The following FCHSD2 variants were observed in gnomAD, a reference collection of about 807,000 sequenced individuals.
FCHSD2 encodes the protein FCH and double SH3 domains 2.
FCHSD2 carries 38 observed loss-of-function variants against 108.1 expected under a neutral mutation model. That is an observed-to-expected ratio of 0.35 (90% confidence interval 0.27 to 0.46). FCHSD2 has a LOEUF of 0.46. Among genes scored for constraint, FCHSD2 ranks in the 20% least tolerant of loss-of-function variants. FCHSD2 has a pLI of 1.00. For missense variants in FCHSD2, 751 were observed against 897.8 expected, an observed-to-expected ratio of 0.84 and a Z score of 2.09; for synonymous variants, 279 against 314.7, an observed-to-expected ratio of 0.89 and a Z score of 1.20.
At chr11:72,948,246 A>T (rs1019495444) in intron 8 of FCHSD2, among the ~76,000 whole-genome samples, 2 of 152,102 alleles carry the variant, frequency 1.3e-5, no homozygotes, top group Non-Finnish European at 2.9e-5. Flanking sequence ...GGACTCAAGC[A>T]ATCCACCCAC....
intron 14 of FCHSD2, 147 bp from the exon 15 acceptor site, chr11:72,843,679 CATA>C: frequency 1.6e-6 from 1 of 618,588 alleles, no homozygotes. Flanking sequence ...GTAAAACTTT[CATA>C]ATGAGGTGAA....
chr11:73,061,916 C>G (rs1462404911), intron 3 of FCHSD2, among the ~76,000 whole-genome samples: 1 of 152,182 alleles, frequency 6.6e-6, no homozygotes, highest in Non-Finnish European at 1.5e-5. Flanking sequence ...CCTGGTGGCT[C>G]TGAAGAGAGT....
At chr11:72,892,594 G>A (rs1855337837) in intron 10 of FCHSD2, among the ~76,000 whole-genome samples, 1 of 151,720 alleles carries the variant, frequency 6.6e-6, no homozygotes. Context: ...ATGTTTTTGT[G>A]TTTTTGTTTG....
intron 3 of FCHSD2, among the ~76,000 whole-genome samples, chr11:73,033,785 T>C (rs11235639): frequency 0.21 from 32,341 of 152,138 alleles, 3,724 homozygotes; most frequent in East Asian, 0.48. Flanking sequence ...GTTATGAGTA[T>C]TCTTGGATAA....
At chr11:73,054,639 A>T (rs1366353475) in intron 3 of FCHSD2, among the ~76,000 whole-genome samples, 2 of 146,998 alleles carry the variant, frequency 1.4e-5, no homozygotes, top group African/African-American at 5.0e-5. Flanking sequence ...GGAAACAAAC[A>T]GAGGGGGTGG....
chr11:73,064,306 T>C (rs971311199), intron 3 of FCHSD2, among the ~76,000 whole-genome samples: 9 of 152,326 alleles, frequency 5.9e-5, no homozygotes, highest in Admixed American at 3.9e-4. Flanking sequence ...GGGAAATTTA[T>C]AGCACTAAAT....
At chr11:73,139,741 C>T (rs766692165) in intron 2 of FCHSD2, among the ~76,000 whole-genome samples, 1 of 152,112 alleles carries the variant, frequency 6.6e-6, no homozygotes, top group Non-Finnish European at 1.5e-5. Context: ...GTTACAATTC[C>T]GTGGAAAGAT....
At chr11:72,925,308 T>C (rs1856055014) in intron 8 of FCHSD2, among the ~76,000 whole-genome samples, 2 of 152,220 alleles carry the variant, frequency 1.3e-5, no homozygotes, top group Non-Finnish European at 2.9e-5. Flanking sequence ...ACTTTTAATT[T>C]TGATAGAAGT....
intron 8 of FCHSD2, among the ~76,000 whole-genome samples, chr11:72,924,679 CTTTTTTT>C (rs200855476): frequency 7.2e-6 from 1 of 138,462 alleles, no homozygotes; most frequent in African/African-American, 2.7e-5. Context: ...TTCCATTAAA[CTTTTTTT>C]TTTTTTTTTT....
At chr11:72,866,049 A>G (rs945992959) in intron 13 of FCHSD2, among the ~76,000 whole-genome samples, 1 of 152,146 alleles carries the variant, frequency 6.6e-6, no homozygotes, top group African/African-American at 2.4e-5. Context: ...TGGCCCCTCA[A>G]TTGATTTGGT....
intron 9 of FCHSD2, among the ~76,000 whole-genome samples, chr11:72,911,263 G>T (rs547793044): frequency 2.2e-4 from 34 of 152,284 alleles, no homozygotes; most frequent in African/African-American, 7.5e-4. Flanking sequence ...TCCAATGTAT[G>T]TTCTTGACAA....
intron 2 of FCHSD2, among the ~76,000 whole-genome samples, chr11:73,091,114 A>T (rs1859946184): frequency 6.6e-6 from 1 of 152,226 alleles, no homozygotes; most frequent in South Asian, 2.1e-4. Flanking sequence ...TTTATGGCTG[A>T]ATAATGTTCC....
At chr11:73,021,687 T>C (rs1858109031) in intron 3 of FCHSD2, among the ~76,000 whole-genome samples, 1 of 151,954 alleles carries the variant, frequency 6.6e-6, no homozygotes, top group African/African-American at 2.4e-5. Flanking sequence ...AACAAACCTG[T>C]ACATGTTACC....
intron 2 of FCHSD2, among the ~76,000 whole-genome samples, chr11:73,089,323 T>C (rs1859898369): frequency 6.6e-6 from 1 of 152,200 alleles, no homozygotes; most frequent in African/African-American, 2.4e-5. Flanking sequence ...AGAACTCTCA[T>C]AGCGTTAGTG....
intron 14 of FCHSD2, among the ~76,000 whole-genome samples, chr11:72,846,821 G>A (rs778562219): frequency 2.6e-5 from 4 of 151,930 alleles, no homozygotes; most frequent in South Asian, 2.1e-4. Flanking sequence ...GAGCTCTTAC[G>A]GTACATACAA....
At chr11:72,921,717 G>T in intron 9 of FCHSD2, 111 bp downstream of exon 9, 1 of 802,560 alleles carries the variant, frequency 1.2e-6, no homozygotes, top group Non-Finnish European at 2.0e-6. Flanking sequence ...CAGGAAATTT[G>T]TTCGTTAATG....
At chr11:72,904,339 T>C (rs1393259824) in intron 9 of FCHSD2, among the ~76,000 whole-genome samples, 1 of 152,244 alleles carries the variant, frequency 6.6e-6, no homozygotes, top group Non-Finnish European at 1.5e-5. Flanking sequence ...TCCTCAAAAC[T>C]ATTAACCTTT....
At chr11:72,999,315 CTTT>C (rs777275615) in intron 5 of FCHSD2, among the ~76,000 whole-genome samples, 3 of 103,780 alleles carry the variant, frequency 2.9e-5, no homozygotes, top group African/African-American at 7.2e-5. Context: ...ACCAAAGATT[CTTT>C]TTTTTTTTTT....
rs574104573 is a variant in FCHSD2 at position 72,853,033 on chromosome 11, A to G, written c.1309-3144T>C. Among the ~76,000 whole-genome samples the G allele has an allele frequency of 3.3e-5, 5 of 152,270 alleles. No homozygotes were observed. The East Asian group carries it at 9.6e-4, about 29-fold the overall frequency. On this transcript the variant is annotated intron_variant, in intron 13 of 19. Coordinates refer to ENST00000409418, the MANE Select transcript of FCHSD2 (RefSeq NM_014824.3). Reference sequence around the variant, plus strand: ...AGGGAGAGGATTAGAAAAAATAACTATTGGGTACTAGGCTTAGTACCTGGG... The same window carrying G: ...AGGGAGAGGATTAGAAAAAATAACTGTTGGGTACTAGGCTTAGTACCTGGG...
Sources: allele counts gnomAD v4.1 joint callset (sites outside exome capture counted in the v4.1 genomes callset), GRCh38; gene constraint gnomAD v4.1.1; transcripts MANE v1.5; gene names NCBI Gene and HGNC (gene_info 2026-07-23, HGNC 2026-07-21).